Variants in CELF4 observed in about 807,000 individuals in gnomAD.
CELF4 encodes the protein CUG-BP- and ETR-3-like factor 4.
A neutral mutation model predicts 59.9 loss-of-function variants in CELF4; 18 were observed. The observed-to-expected ratio is 0.30, with a 90% CI of 0.21 to 0.45. CELF4 has a LOEUF of 0.45. CELF4 is among the 20% of genes least tolerant of loss of function. The pLI is 1.00. For synonymous variants in CELF4, 261 were observed against 267.1 expected (o/e 0.98, Z 0.22); for missense variants, 456 against 689.0 (o/e 0.66, Z 3.79).
At chr18:37,316,013 G>A (rs2096857000) in intron 3 of CELF4, among the ~76,000 whole-genome samples, 1 of 152,160 alleles carries the variant, frequency 6.6e-6, no homozygotes, top group African/African-American at 2.4e-5. Context: ...CCTGTCACCT[G>A]GACTGAGACC....
intron 12 of CELF4, among the ~76,000 whole-genome samples, chr18:37,248,926 T>G (rs905471724): frequency 6.9e-6 from 1 of 144,334 alleles, no homozygotes; most frequent in African/African-American, 2.6e-5. Flanking sequence ...CAGCAGACTT[T>G]CACTCTCAGC....
intron 1 of CELF4, among the ~76,000 whole-genome samples, chr18:37,498,673 GTTCCTGTCACCAGCCAGCTGGTGACT>G (rs962467977): frequency 6.6e-6 from 1 of 152,002 alleles, no homozygotes; most frequent in Non-Finnish European, 1.5e-5. Flanking sequence ...GGACCTTGAG[GTTCCTGTCACCAGCCAGCTGGTGACT>G]CTGAGAAAGC....
At chr18:37,480,839 G>A (rs2099864749) in intron 2 of CELF4, among the ~76,000 whole-genome samples, 1 of 151,750 alleles carries the variant, frequency 6.6e-6, no homozygotes, top group African/African-American at 2.4e-5. Flanking sequence ...GAAAATGGGG[G>A]CACAAAGAGA....
At chr18:37,328,819 C>A (rs958842991) in intron 2 of CELF4, among the ~76,000 whole-genome samples, 1 of 152,180 alleles carries the variant, frequency 6.6e-6, no homozygotes, top group Admixed American at 6.5e-5. Context: ...CAGACCCGCA[C>A]GCTAGAGCTC....
intron 2 of CELF4, among the ~76,000 whole-genome samples, chr18:37,380,618 T>A (rs1401376689): frequency 6.6e-6 from 1 of 151,354 alleles, no homozygotes; most frequent in African/African-American, 2.4e-5. Flanking sequence ...TTCATCCATC[T>A]ATTCATTTCT....
chr18:37,465,689 A>C (rs1240793925), intron 2 of CELF4, among the ~76,000 whole-genome samples: 1 of 152,120 alleles, frequency 6.6e-6, no homozygotes, highest in African/African-American at 2.4e-5. Flanking sequence ...TATAAAACAG[A>C]GTGCAATGTG....
At chr18:37,441,476 A>G (rs1324041696) in intron 2 of CELF4, among the ~76,000 whole-genome samples, 2 of 152,182 alleles carry the variant, frequency 1.3e-5, no homozygotes, top group East Asian at 3.8e-4. Flanking sequence ...TTTCAAAATG[A>G]GGAGGCTAAT....
At chr18:37,341,827 G>C (rs541078690) in intron 2 of CELF4, among the ~76,000 whole-genome samples, 2 of 152,168 alleles carry the variant, frequency 1.3e-5, no homozygotes, top group Admixed American at 6.5e-5. Context: ...TTGCCTCACA[G>C]CAGGCACTTA....
At chr18:37,434,326 C>T (rs2099681871) in intron 2 of CELF4, among the ~76,000 whole-genome samples, 1 of 152,208 alleles carries the variant, frequency 6.6e-6, no homozygotes, top group Non-Finnish European at 1.5e-5. Context: ...GCCCCGGAGG[C>T]TGGTTTCTGG....
At chr18:37,523,241 G>C (rs575880155) in intron 1 of CELF4, among the ~76,000 whole-genome samples, 1 of 152,318 alleles carries the variant, frequency 6.6e-6, no homozygotes, top group South Asian at 2.1e-4. Flanking sequence ...AGGCTCGTTT[G>C]TTGGGCATTT....
intron 1 of CELF4, among the ~76,000 whole-genome samples, chr18:37,502,723 C>G (rs557369733): frequency 6.6e-5 from 10 of 152,198 alleles, no homozygotes; most frequent in African/African-American, 2.4e-4. Flanking sequence ...CTGTGCCCAG[C>G]TCCCTGTCTC....
intron 10 of CELF4, among the ~76,000 whole-genome samples, chr18:37,261,543 G>A (rs978187296): frequency 6.6e-6 from 1 of 152,212 alleles, no homozygotes; most frequent in Non-Finnish European, 1.5e-5. Context: ...CCCACACGCT[G>A]TCTAACTCCA....
At chr18:37,362,689 G>A (rs1364846474) in intron 2 of CELF4, among the ~76,000 whole-genome samples, 1 of 151,976 alleles carries the variant, frequency 6.6e-6, no homozygotes, top group Non-Finnish European at 1.5e-5. Context: ...TGCCCTGCCC[G>A]CGCTGAACTC....
intron 1 of CELF4, among the ~76,000 whole-genome samples, chr18:37,513,837 C>T (rs1378550270): frequency 6.6e-6 from 1 of 152,146 alleles, no homozygotes; most frequent in Non-Finnish European, 1.5e-5. Context: ...CTTCTGCATG[C>T]CTTGTCTTGC....
chr18:37,293,149 G>A (rs987749817), intron 3 of CELF4, among the ~76,000 whole-genome samples: 10 of 152,210 alleles, frequency 6.6e-5, no homozygotes, highest in African/African-American at 1.2e-4. Flanking sequence ...AGGCTCCTTC[G>A]GGCACAGTCT....
At chr18:37,398,300 G>C (rs1350752708) in intron 2 of CELF4, among the ~76,000 whole-genome samples, 1 of 151,726 alleles carries the variant, frequency 6.6e-6, no homozygotes, top group Non-Finnish European at 1.5e-5. Flanking sequence ...ACGAGGGCCA[G>C]GATGACAGTG....
intron 2 of CELF4, among the ~76,000 whole-genome samples, chr18:37,414,789 G>A (rs1403449226): frequency 6.6e-6 from 1 of 151,744 alleles, no homozygotes; most frequent in Non-Finnish European, 1.5e-5. Context: ...GAGCCACAAA[G>A]CCCGGCCCTA....
At chr18:37,487,389 C>G (rs2099883415) in intron 1 of CELF4, among the ~76,000 whole-genome samples, 1 of 152,198 alleles carries the variant, frequency 6.6e-6, no homozygotes, top group South Asian at 2.1e-4. Flanking sequence ...TCTGCCTTCC[C>G]CACCTCCAAC....
intron 2 of CELF4, among the ~76,000 whole-genome samples, chr18:37,403,737 G>A (rs970708012): frequency 2.6e-5 from 4 of 152,312 alleles, no homozygotes; most frequent in South Asian, 2.1e-4. Flanking sequence ...TGAGTGATAC[G>A]TGTCGGAGTT....
Sources: gnomAD v4.1 joint callset for allele counts (sites outside exome capture counted in the v4.1 genomes callset) on GRCh38, gnomAD v4.1.1 for gene constraint, MANE v1.5 for transcripts, NCBI Gene and HGNC (gene_info 2026-07-23, HGNC 2026-07-21) for gene names.